The following FGD4 variants were observed in gnomAD, a reference collection of about 807,000 sequenced individuals.
The protein encoded by FGD4 is FYVE, RhoGEF and PH domain containing 4.
Under a neutral mutation model 102.0 loss-of-function variants are expected in FGD4, and 42 were observed. The observed-to-expected ratio is 0.41, with a 90% confidence interval of 0.32 to 0.53. The LOEUF (loss-of-function observed/expected upper bound fraction) is 0.53, where lower values mean the gene tolerates loss of function less well. Ranked by LOEUF, FGD4 falls within the 20% of genes least tolerant of loss-of-function variation. FGD4 has a pLI of 0.21. For missense variants in FGD4, 902 were observed against 1,078.2 expected, an observed-to-expected ratio of 0.84 and a Z score of 2.29; for synonymous variants, 380 against 375.7, an observed-to-expected ratio of 1.01 and a Z score of -0.13.
chr12:32,574,470 G>A (rs966281805), intron 2 of FGD4, among the ~76,000 whole-genome samples: 6 of 151,608 alleles, frequency 4.0e-5, no homozygotes, highest in Admixed American at 3.3e-4. Context: ...CTACACAGAA[G>A]TTTTTTTCTG....
intron 15 of FGD4, among the ~76,000 whole-genome samples, chr12:32,636,231 G>A (rs936148788): frequency 1.3e-5 from 2 of 152,082 alleles, no homozygotes; most frequent in South Asian, 4.1e-4. Flanking sequence ...CTGCTAACCA[G>A]TGCTGCTTTA....
chr12:32,541,115 T>C (rs1038643992), intron 1 of FGD4, among the ~76,000 whole-genome samples: 2 of 152,128 alleles, frequency 1.3e-5, no homozygotes, highest in Non-Finnish European at 2.9e-5. Flanking sequence ...TTTTTTTTCT[T>C]CCTAACTTCT....
chr12:32,625,577 A>C (rs1950109074), intron 13 of FGD4, 77 bp from the exon 14 acceptor site: 7 of 1,520,536 alleles, frequency 4.6e-6, no homozygotes, highest in Non-Finnish European at 6.3e-6. Context: ...AATGTAGTTA[A>C]AGTTCTTTCA....
intron 8 of FGD4, among the ~76,000 whole-genome samples, chr12:32,609,465 G>A (rs1397664305): frequency 1.3e-5 from 2 of 152,018 alleles, no homozygotes; most frequent in African/African-American, 4.8e-5. Flanking sequence ...ATCTTATTTT[G>A]TCTTCCTCTA....
At chr12:32,585,408 T>G (rs1369450984) in intron 4 of FGD4, among the ~76,000 whole-genome samples, 1 of 151,824 alleles carries the variant, frequency 6.6e-6, no homozygotes, top group Non-Finnish European at 1.5e-5. Context: ...AAATTCAGTG[T>G]GCCAGTCTCA....
chr12:32,502,322 A>T (rs1938285485), intron 1 of FGD4: 5 of 985,434 alleles, frequency 5.1e-6, no homozygotes, highest in Non-Finnish European at 6.0e-6. Flanking sequence ...AAGAGGAATA[A>T]ATTCAGCTTT....
intron 1 of FGD4, chr12:32,534,311 G>T: frequency 7.4e-7 from 1 of 1,354,058 alleles, no homozygotes. Flanking sequence ...TTCGAAGAAT[G>T]CACTGAAGTC....
At chr12:32,605,042 G>A (rs534600614) in intron 7 of FGD4, among the ~76,000 whole-genome samples, 1 of 147,848 alleles carries the variant, frequency 6.8e-6, no homozygotes, top group South Asian at 2.1e-4. Flanking sequence ...GGGTTCAAGC[G>A]ATTCTTGTGC....
intron 4 of FGD4, among the ~76,000 whole-genome samples, chr12:32,591,941 T>C (rs1398380627): frequency 2.0e-5 from 3 of 152,240 alleles, no homozygotes; most frequent in Non-Finnish European, 4.4e-5. Flanking sequence ...TCTGTTACTG[T>C]AAGAGGAGTG....
In FGD4 at chr12:32,601,370, T is replaced by C. The variant is rs201678865; in HGVS notation, c.1194T>C (p.Asn398=). 4.2e-5 allele frequency: 67 copies of C among 1,614,052 alleles called. No individual in the cohort carries two copies. The highest frequency in any genetic ancestry group is 5.5e-5 in the Non-Finnish European group (65 of 1,180,032). ...TCTTTTCTAATATTTCATCAATAAATGCCTTCCATAGTAAATTCCTCTTGC... is the reference window on the plus strand; with the variant it reads ...TCTTTTCTAATATTTCATCAATAAACGCCTTCCATAGTAAATTCCTCTTGC... The part of the protein sequence containing the change: ...NKIFSNISSI[N]AFHSKFLLPE... Residue 398 remains asparagine (N), a synonymous_variant, in exon 6 of 17, where the codon AAT becomes AAC. Transcript: ENST00000534526.
At chr12:32,433,666 A>G (rs967681498) in intron 1 of FGD4, among the ~76,000 whole-genome samples, 2 of 152,066 alleles carry the variant, frequency 1.3e-5, no homozygotes, top group African/African-American at 4.8e-5. Context: ...TGTAGCTTTC[A>G]AAAGTACATG....
At chr12:32,627,230 C>T (rs1380335969) in intron 14 of FGD4, among the ~76,000 whole-genome samples, 1 of 151,778 alleles carries the variant, frequency 6.6e-6, no homozygotes, top group Admixed American at 6.6e-5. Context: ...TCTTGGCTCA[C>T]TGCAACCTCC....
rs111408230 is a variant in FGD4, at chr12:32,624,122, C to CTA, written c.1923-297_1923-296dup. ...TAGCTGTTGTATATTCAGTGTAATG[C>CTA]TATAGATACAGTTACCTGATATATC... is the stretch of plus-strand genomic sequence containing the variant. On this transcript the variant is annotated intron_variant, in intron 11 of 16. Transcript: ENST00000534526. Among the ~76,000 whole-genome samples, 344 of 152,206 alleles carry CTA rather than the reference C, an allele frequency of 2.3e-3. 2 individuals are homozygous for CTA. The highest frequency in any genetic ancestry group is 7.8e-3 in the African/African-American group (325 of 41,526).
At chr12:32,507,017 G>GC (rs1408780722) in intron 1 of FGD4, among the ~76,000 whole-genome samples, 1 of 151,796 alleles carries the variant, frequency 6.6e-6, no homozygotes, top group African/African-American at 2.4e-5. Context: ...TCATGCTGGT[G>GC]TGCTGCACCC....
rs1358275396 is a variant in FGD4 at position 32,544,963 on chromosome 12, T to G, written c.167-19174T>G. 6.6e-6 allele frequency among the ~76,000 whole-genome samples: 1 copy of G among 152,192 alleles called. No individual in the cohort carries two copies. Among genetic ancestry groups the G allele is most frequent in the African/African-American group, 2.4e-5 (1 of 41,430 alleles). On this transcript the variant is annotated intron_variant, in intron 1 of 16. Transcript: ENST00000534526. The surrounding 1 kb of genome is among the most constrained non-coding windows in gnomAD (Gnocchi z 4.1). ...TGGGTCTCATATCCCAGAGATTGAC[T>G]TAAGTGGTTTGGGGTGCAACCCAGG...
At chr12:32,619,986 T>G in intron 11 of FGD4, 116 bp downstream of exon 11, 1 of 1,243,058 alleles carries the variant, frequency 8.0e-7, no homozygotes, top group Non-Finnish European at 1.2e-6. Context: ...TCTGGAACTC[T>G]GGTTGGATGT....
chr12:32,593,636 G>A (rs1285632493), intron 4 of FGD4, among the ~76,000 whole-genome samples: 1 of 152,202 alleles, frequency 6.6e-6, no homozygotes, highest in Admixed American at 6.5e-5. Flanking sequence ...GATCCTGTAG[G>A]ATTGTGGAGG....
intron 1 of FGD4, among the ~76,000 whole-genome samples, chr12:32,535,298 G>A (rs1381772996): frequency 1.3e-5 from 2 of 152,122 alleles, no homozygotes; most frequent in South Asian, 2.1e-4. Flanking sequence ...ACTTAGAACC[G>A]GCAGCCTTCA....
chr12:32,504,781 T>G (rs1237776659), intron 1 of FGD4, among the ~76,000 whole-genome samples: 1 of 152,170 alleles, frequency 6.6e-6, no homozygotes, highest in African/African-American at 2.4e-5. Context: ...GAACATTGAG[T>G]AGGCAGCAAA....
Sources: gnomAD v4.1 joint callset for allele counts (sites outside exome capture counted in the v4.1 genomes callset) on GRCh38, gnomAD v4.1.1 for gene constraint, Gnocchi (gnomAD v3.1) non-coding constraint, MANE v1.5 for transcripts, NCBI Gene and HGNC (gene_info 2026-07-23, HGNC 2026-07-21) for gene names.